The following COL4A1 variants were observed in gnomAD, a reference collection of about 807,000 sequenced individuals.
COL4A1 encodes collagen alpha-1(IV) chain.
A neutral mutation model predicts 216.6 loss-of-function variants in COL4A1; 40 were observed. The ratio of observed to expected loss-of-function variants is 0.18; its 90% CI spans 0.14 to 0.24. The LOEUF (loss-of-function observed/expected upper bound fraction) is 0.24, where lower values mean the gene tolerates loss of function less well. Ranked by LOEUF, COL4A1 falls within the 10% of genes least tolerant of loss-of-function variation. The pLI is 1.00. For missense variants in COL4A1, 1,628 were observed against 2,196.8 expected, an observed-to-expected ratio of 0.74 and a Z score of 5.18; for synonymous variants, 839 against 810.7, an observed-to-expected ratio of 1.03 and a Z score of -0.59.
intron 1 of COL4A1, among the ~76,000 whole-genome samples, chr13:110,303,230 A>G (rs1333088181): frequency 6.6e-6 from 1 of 152,152 alleles, no homozygotes; most frequent in Non-Finnish European, 1.5e-5. Flanking sequence ...TTTCTGGGTC[A>G]GTTCCTAAAG....
intron 1 of COL4A1, among the ~76,000 whole-genome samples, chr13:110,261,035 TCAAA>T (rs1240936679): frequency 4.7e-5 from 2 of 42,184 alleles, no homozygotes; most frequent in South Asian, 9.2e-4. Flanking sequence ...AGACTCCGTC[TCAAA>T]AAAAAAAAAA....
intron 48 of COL4A1, 77 bp from the exon 49 acceptor site, chr13:110,161,446 T>A (rs1355174123): frequency 5.4e-6 from 8 of 1,487,028 alleles, no homozygotes; most frequent in Non-Finnish European, 7.3e-6. Context: ...GGATTTCAGC[T>A]GGACAACAAG....
At chr13:110,152,133 G>A (rs372465209) in intron 51 of COL4A1, among the ~76,000 whole-genome samples, 4 of 151,978 alleles carry the variant, frequency 2.6e-5, no homozygotes, top group East Asian at 3.9e-4. Flanking sequence ...TGGTTCTTCG[G>A]TAAATGAAAA....
chr13:110,217,851 A>G (rs541403062), intron 2 of COL4A1, among the ~76,000 whole-genome samples: 8 of 152,372 alleles, frequency 5.3e-5, no homozygotes, highest in African/African-American at 1.9e-4. Context: ...GGCATGAAAT[A>G]GGGTTTCATG....
chr13:110,284,519 G>A (rs528396624), intron 1 of COL4A1, among the ~76,000 whole-genome samples: 9 of 152,236 alleles, frequency 5.9e-5, no homozygotes, highest in Admixed American at 2.6e-4. Flanking sequence ...TAATGCACAC[G>A]CTTCAAGAAT....
chr13:110,171,177 A>C (rs1011386485), intron 41 of COL4A1, among the ~76,000 whole-genome samples: 4 of 152,262 alleles, frequency 2.6e-5, no homozygotes, highest in Non-Finnish European at 5.9e-5. Flanking sequence ...GCTGGATCTC[A>C]AACGAATTAT....
At chr13:110,174,319 C>T in intron 39 of COL4A1, 127 bp downstream of exon 39, 1 of 1,025,488 alleles carries the variant, frequency 9.8e-7, no homozygotes, top group Admixed American at 2.0e-5. Flanking sequence ...GTTTGCCCAT[C>T]TGAAGATGGG....
chr13:110,202,798 G>A (rs1879308600), intron 18 of COL4A1, among the ~76,000 whole-genome samples: 1 of 152,178 alleles, frequency 6.6e-6, no homozygotes, highest in Non-Finnish European at 1.5e-5. Context: ...TGCAAAATAT[G>A]TATGTTGACC....
At chr13:110,150,942 C>T (rs529246001) in intron 51 of COL4A1, among the ~76,000 whole-genome samples, 140 of 152,266 alleles carry the variant, frequency 9.2e-4, no homozygotes, top group African/African-American at 3.2e-3. Context: ...CCCTAGACCT[C>T]GAAATACTTT....
chr13:110,210,539 C>A (rs772296019), intron 8 of COL4A1, among the ~76,000 whole-genome samples: 9 of 152,136 alleles, frequency 5.9e-5, no homozygotes, highest in African/African-American at 9.7e-5. Flanking sequence ...AAGACTACTG[C>A]GTGACCACAG....
chr13:110,297,902 CTT>C (rs1884340015), intron 1 of COL4A1, among the ~76,000 whole-genome samples: 1 of 151,506 alleles, frequency 6.6e-6, no homozygotes, highest in Non-Finnish European at 1.5e-5. Flanking sequence ...AATTCTTACT[CTT>C]GTTTTACTTT....
Position 110,213,322 on chromosome 13 carries a change from A to G in COL4A1, c.279+460T>C, listed in dbSNP as rs148438471. ...AAGCTGACTGCTGATCCCTTCAAAC[A>G]TAAGGCTGCCCATGCACAAAATAAC... On this transcript the variant is annotated intron_variant, in intron 4 of 51. Transcript: ENST00000375820. 2.0e-5 allele frequency among the ~76,000 whole-genome samples: 3 copies of G among 152,352 alleles called. No homozygotes were observed. In the East Asian group the frequency reaches 5.8e-4, roughly 29 times the overall value.
In COL4A1 at chr13:110,170,099, GAGGAAGGGAGGAAAGAAGGAAGGA is replaced by G. The variant is rs752485879; in HGVS notation, c.3743-361_3743-338del. The stretch of plus-strand genomic sequence containing the variant: ...AGGGGAGGGGAAGGAGGGAGGGAGA[GAGGAAGGGAGGAAAGAAGGAAGGA>G]AGGAAGGAAGGAAGGAAGGAAGGAA... On this transcript the variant is annotated intron_variant, in intron 42 of 51. Coordinates refer to ENST00000375820, the MANE Select transcript of COL4A1 (RefSeq NM_001845.6). 2.9e-4 allele frequency among the ~76,000 whole-genome samples: 35 copies of G among 122,302 alleles called. 1 individual carries two copies. Among genetic ancestry groups the G allele is most frequent in the East Asian group, 2.7e-3 (12 of 4,494 alleles). The allele number at this position is 122,302 out of a possible 152,430, so 80.2% of individuals were successfully genotyped here. A position where few individuals can be genotyped will look rare whatever the true frequency, so the allele number is the denominator to read the frequency against.
rs1594577809 is a variant in COL4A1 at position 110,203,538 on chromosome 13, C to G, written c.999+28G>C. 5 of 1,613,688 alleles carry G rather than the reference C, an allele frequency of 3.1e-6. No individual in the cohort carries two copies. The East Asian group carries it at 8.9e-5, about 29-fold the overall frequency. The stretch of plus-strand genomic sequence containing the variant: ...TCTCCTTCCTCCCCCAGCGCTCTCA[C>G]AGACCCAGGGACAGCACTCTTACTC... On this transcript the variant is annotated intron_variant, in intron 18 of 51. Coordinates refer to ENST00000375820, the MANE Select transcript of COL4A1 (RefSeq NM_001845.6).
chr13:110,253,308 GTATTAC>G (rs1882287874), intron 1 of COL4A1, among the ~76,000 whole-genome samples: 1 of 99,142 alleles, frequency 1.0e-5, no homozygotes, highest in Admixed American at 1.2e-4. Flanking sequence ...ATAATTATAT[GTATTAC>G]ATATACATAT....
At chr13:110,286,624 G>A (rs1412637709) in intron 1 of COL4A1, among the ~76,000 whole-genome samples, 4 of 152,236 alleles carry the variant, frequency 2.6e-5, no homozygotes, top group Non-Finnish European at 5.9e-5. Context: ...CGGAGTGCCA[G>A]AAAGGCGGTG....
chr13:110,194,937 C>G (rs568165928), intron 22 of COL4A1, 86 bp downstream of exon 22: 216 of 1,109,714 alleles, frequency 1.9e-4, no homozygotes, highest in Middle Eastern at 3.9e-4. Context: ...TGCCCACCCC[C>G]ACTTGGCTCC....
At chr13:110,196,767 C>A (rs1173887834) in intron 21 of COL4A1, among the ~76,000 whole-genome samples, 5 of 152,118 alleles carry the variant, frequency 3.3e-5, no homozygotes, top group Admixed American at 6.5e-5. Flanking sequence ...GCTGGCTGTA[C>A]CCACTTGAGA....
chr13:110,273,209 T>C (rs1594108299), intron 1 of COL4A1, among the ~76,000 whole-genome samples: 1 of 152,328 alleles, frequency 6.6e-6, no homozygotes, highest in Non-Finnish European at 1.5e-5. Context: ...TTAACCCTTG[T>C]AACTGTCGGT....
Sources: gnomAD v4.1 joint callset for allele counts (sites outside exome capture counted in the v4.1 genomes callset) on GRCh38, gnomAD v4.1.1 for gene constraint, MANE v1.5 for transcripts, NCBI Gene and HGNC (gene_info 2026-07-23, HGNC 2026-07-21) for gene names.